Variants in ROBO1 observed in about 807,000 individuals in gnomAD.
ROBO1 encodes roundabout guidance receptor 1.
A neutral mutation model predicts 195.9 loss-of-function variants in ROBO1; 149 were observed. The ratio of observed to expected loss-of-function variants is 0.76; its 90% CI spans 0.67 to 0.87. The LOEUF (loss-of-function observed/expected upper bound fraction) is 0.87, where lower values mean the gene tolerates loss of function less well. ROBO1 is among the 40% of genes least tolerant of loss of function. ROBO1 has a pLI of 0.00. For synonymous variants in ROBO1, 816 were observed against 733.2 expected, an observed-to-expected ratio of 1.11 and a Z score of -1.82; for missense variants, 1,933 against 2,068.3, an observed-to-expected ratio of 0.93 and a Z score of 1.27.
chr3:79,533,108 C>A (rs904815834), intron 2 of ROBO1: 2 of 434,126 alleles, frequency 4.6e-6, no homozygotes, highest in Non-Finnish European at 9.2e-6. Flanking sequence ...TAGGCTTGAG[C>A]CCTGGAGGGA....
rs71127366 is a variant in ROBO1, at chr3:78,871,742, C to CAAAAA, written c.499+66854_499+66858dup. Among the ~76,000 whole-genome samples, 106 of 111,330 alleles carry CAAAAA rather than the reference C, an allele frequency of 9.5e-4. 1 individual carries two copies. Among genetic ancestry groups the CAAAAA allele is most frequent in the East Asian group, 1.4e-3 (5 of 3,528 alleles). 73.0% of individuals were successfully genotyped at this position (111,330 alleles called of 152,430 possible). A position where few individuals can be genotyped will look rare whatever the true frequency, so the allele number is the denominator to read the frequency against. On this transcript the variant is annotated intron_variant, in intron 4 of 30. Transcript: ENST00000464233. ...TATTTGCATTTATAAGCTTTCACAGCAAAAAAAAAAAAAAAAAAAGAATTT... is the reference window on the plus strand; with the variant it reads ...TATTTGCATTTATAAGCTTTCACAGCAAAAAAAAAAAAAAAAAAAAAAAAGAATTT...
In ROBO1 at chr3:79,090,903, T is replaced by A. The variant is rs116427502; in HGVS notation, c.172+34553A>T. ...AATTCTGCTTTACATTTCTTTTTATTTCTAGATTATAGTATGTTTTATTTT... is the reference window on the plus strand; with the variant it reads ...AATTCTGCTTTACATTTCTTTTTATATCTAGATTATAGTATGTTTTATTTT... On this transcript the variant is annotated intron_variant, in intron 3 of 30. Transcript: ENST00000464233. Among the ~76,000 whole-genome samples the A allele has an allele frequency of 1.4e-3, 207 of 152,334 alleles. 1 individual carries two copies. Among genetic ancestry groups the A allele is most frequent in the African/African-American group, 4.8e-3 (199 of 41,580 alleles).
At chr3:78,805,740 TATGTTAA>T (rs1258079722) in intron 4 of ROBO1, among the ~76,000 whole-genome samples, 2 of 152,136 alleles carry the variant, frequency 1.3e-5, no homozygotes, top group African/African-American at 2.4e-5. Context: ...AGGCTCTCTG[TATGTTAA>T]AATATACTCT....
At position 78,936,207 on chromosome 3, in the gene ROBO1, AT is replaced by A. The variant is rs34524917; in HGVS notation, c.499+2393del. On this transcript the variant is annotated intron_variant, in intron 4 of 30. Coordinates refer to ENST00000464233, the MANE Select transcript of ROBO1 (RefSeq NM_002941.4). ...AGGTTTTAAATGGCATTCTATATTA[AT>A]TTTTTTTCAATGTTTGAGAGGTTGA... 2.0e-4 allele frequency among the ~76,000 whole-genome samples: 30 copies of A among 152,000 alleles called. No homozygotes were observed. The East Asian group carries it at 2.9e-3, about 15-fold the overall frequency.
At chr3:79,424,283 T>C (rs1340486951) in intron 2 of ROBO1, among the ~76,000 whole-genome samples, 1 of 150,852 alleles carries the variant, frequency 6.6e-6, no homozygotes, top group Non-Finnish European at 1.5e-5. Flanking sequence ...AAATTAACCA[T>C]GCACAAAGTT....
At chr3:79,765,888 C>T (rs1246489385) in intron 1 of ROBO1, among the ~76,000 whole-genome samples, 1 of 152,126 alleles carries the variant, frequency 6.6e-6, no homozygotes, top group Non-Finnish European at 1.5e-5. Context: ...AATTAAACAA[C>T]CTCCCACCAC....
intron 7 of ROBO1, among the ~76,000 whole-genome samples, chr3:78,716,179 C>T (rs1177363483): frequency 2.0e-5 from 3 of 152,178 alleles, no homozygotes; most frequent in African/African-American, 7.2e-5. Context: ...TCAAATTCCC[C>T]CCTCTGAGCT....
chr3:78,769,381 C>T (rs965727024), intron 4 of ROBO1, among the ~76,000 whole-genome samples: 13 of 152,162 alleles, frequency 8.5e-5, no homozygotes, highest in African/African-American at 3.1e-4. Context: ...AGAATAGCTA[C>T]TCCTGCTCGC....
At chr3:79,140,712 A>T (rs549227090) in intron 2 of ROBO1, among the ~76,000 whole-genome samples, 1 of 152,190 alleles carries the variant, frequency 6.6e-6, no homozygotes, top group African/African-American at 2.4e-5. Context: ...TAATTTGCCA[A>T]TTGGGAGTTT....
chr3:78,722,791 T>C (rs370669690), intron 5 of ROBO1, among the ~76,000 whole-genome samples: 2 of 152,264 alleles, frequency 1.3e-5, no homozygotes, highest in South Asian at 4.1e-4. Flanking sequence ...TTATTATATA[T>C]GTGTAACTTT....
At chr3:79,653,542 G>GA (rs1251999225) in intron 1 of ROBO1, among the ~76,000 whole-genome samples, 3 of 151,980 alleles carry the variant, frequency 2.0e-5, no homozygotes, top group Non-Finnish European at 4.4e-5. Context: ...CCATATGAAA[G>GA]AAATATTTTT....
At chr3:79,451,412 G>A (rs2039437957) in intron 2 of ROBO1, among the ~76,000 whole-genome samples, 1 of 152,092 alleles carries the variant, frequency 6.6e-6, no homozygotes, top group Non-Finnish European at 1.5e-5. Context: ...TGCAAAAATG[G>A]AAGAGCCTTA....
At chr3:79,072,086 C>A (rs893769306) in intron 3 of ROBO1, among the ~76,000 whole-genome samples, 21 of 151,788 alleles carry the variant, frequency 1.4e-4, no homozygotes, top group Admixed American at 1.3e-4. Flanking sequence ...TAAATTAAAT[C>A]TTTCTATTTA....
chr3:78,969,974 C>T (rs915620917), intron 3 of ROBO1, among the ~76,000 whole-genome samples: 16 of 152,012 alleles, frequency 1.1e-4, no homozygotes, highest in African/African-American at 3.6e-4. Flanking sequence ...GAAACTTTGG[C>T]AGTTTTAAAA....
intron 2 of ROBO1, among the ~76,000 whole-genome samples, chr3:79,260,836 C>T (rs2082926107): frequency 6.6e-6 from 1 of 152,092 alleles, no homozygotes; most frequent in South Asian, 2.1e-4. Flanking sequence ...ATCATGATAT[C>T]TAATTTTCCA....
chr3:79,203,171 A>G (rs1322549388), intron 2 of ROBO1, among the ~76,000 whole-genome samples: 2 of 152,222 alleles, frequency 1.3e-5, no homozygotes, highest in Non-Finnish European at 2.9e-5. Context: ...TACAAGGACA[A>G]GAAAGCAGAT....
intron 2 of ROBO1, among the ~76,000 whole-genome samples, chr3:79,533,730 C>T (rs182134726): frequency 6.6e-6 from 1 of 152,238 alleles, no homozygotes; most frequent in African/African-American, 2.4e-5. Context: ...TTTACAAGCT[C>T]TTTTGAAATG....
chr3:79,439,046 A>G (rs1342356300), intron 2 of ROBO1, among the ~76,000 whole-genome samples: 3 of 152,078 alleles, frequency 2.0e-5, no homozygotes, highest in African/African-American at 7.2e-5. Flanking sequence ...GATAAAAACA[A>G]ATGTATTTTC....
chr3:79,377,375 T>C (rs1490577867), intron 2 of ROBO1, among the ~76,000 whole-genome samples: 3 of 152,184 alleles, frequency 2.0e-5, no homozygotes, highest in African/African-American at 7.2e-5. Context: ...AATAATACAA[T>C]CCTGCCAAAT....
Sources: gnomAD v4.1 joint callset for allele counts (sites outside exome capture counted in the v4.1 genomes callset) on GRCh38, gnomAD v4.1.1 for gene constraint, MANE v1.5 for transcripts, NCBI Gene and HGNC (gene_info 2026-07-23, HGNC 2026-07-21) for gene names.